CCSER1: variants seen among roughly 807,000 people sequenced by gnomAD.
CCSER1 encodes the protein serine-rich coiled-coil domain-containing protein 1.
In CCSER1, 41 loss-of-function variants were observed where a neutral mutation model predicts 82.0. The observed-to-expected ratio is 0.50, with a 90% CI of 0.39 to 0.65. The LOEUF is 0.65. CCSER1 is among the 30% of genes least tolerant of loss of function. CCSER1 has a pLI of 0.00. For missense variants in CCSER1, 1,119 were observed against 1,064.2 expected (o/e 1.05, Z -0.72); for synonymous variants, 414 against 383.9 (o/e 1.08, Z -0.92).
chr4:91,175,509 A>T (rs1378621862), intron 10 of CCSER1, among the ~76,000 whole-genome samples: 1 of 152,030 alleles, frequency 6.6e-6, no homozygotes, highest in African/African-American at 2.4e-5. Flanking sequence ...TTTAATGATC[A>T]CCATTCTAAC....
At position 91,154,160 on chromosome 4, in the gene CCSER1, A is replaced by G. The variant is rs558581178; in HGVS notation, c.2217+68166A>G. Among the ~76,000 whole-genome samples the G allele has an allele frequency of 2.0e-5, 3 of 152,100 alleles. No individual in the cohort carries two copies. The South Asian group carries it at 6.2e-4, about 32-fold the overall frequency. The stretch of plus-strand genomic sequence containing the variant: ...CCTTGAGCTGTGGTGGGCTCCACCC[A>G]GTTGAAGCTTCCCTGGCTGCTTTGT... On this transcript the variant is annotated intron_variant, in intron 10 of 10. Coordinates refer to ENST00000509176, the MANE Select transcript of CCSER1 (RefSeq NM_001145065.2).
chr4:90,764,387 G>A (rs1750886307), intron 7 of CCSER1, among the ~76,000 whole-genome samples: 1 of 152,098 alleles, frequency 6.6e-6, no homozygotes, highest in South Asian at 2.1e-4. Flanking sequence ...AAAAATCAAT[G>A]CTTGGTCTTT....
chr4:91,415,932 G>A (rs1188742559), intron 10 of CCSER1, among the ~76,000 whole-genome samples: 1 of 152,028 alleles, frequency 6.6e-6, no homozygotes, highest in Non-Finnish European at 1.5e-5. Flanking sequence ...TGCATCATCA[G>A]GAGTCCCTCA....
At chr4:90,953,220 G>A (rs1733098996) in intron 9 of CCSER1, among the ~76,000 whole-genome samples, 1 of 151,834 alleles carries the variant, frequency 6.6e-6, no homozygotes, top group Non-Finnish European at 1.5e-5. Flanking sequence ...TAGTGGCAAA[G>A]TTCTGATATA....
chr4:91,247,796 A>T (rs1739915632), intron 10 of CCSER1, among the ~76,000 whole-genome samples: 2 of 152,198 alleles, frequency 1.3e-5, no homozygotes, highest in South Asian at 4.1e-4. Flanking sequence ...CAAACCTGGC[A>T]GTTGGAGGTT....
intron 6 of CCSER1, among the ~76,000 whole-genome samples, chr4:90,645,463 T>C (rs543413698): frequency 5.1e-4 from 78 of 152,338 alleles, no homozygotes; most frequent in African/African-American, 1.7e-3. Flanking sequence ...TCTATACTTA[T>C]AGTCTTCAAG....
intron 1 of CCSER1, among the ~76,000 whole-genome samples, chr4:90,294,528 T>C (rs901350679): frequency 1.3e-5 from 2 of 152,086 alleles, no homozygotes; most frequent in African/African-American, 4.8e-5. Context: ...AAAGGCATTT[T>C]CTGATATGTC....
intron 1 of CCSER1, among the ~76,000 whole-genome samples, chr4:90,271,862 ATTTTTTTTTTT>A (rs1176154331): frequency 3.6e-3 from 78 of 21,668 alleles, no homozygotes; most frequent in East Asian, 0.035. Flanking sequence ...ATATATATAT[ATTTTTTTTTTT>A]TTTTTTTTTT....
chr4:91,057,493 T>C (rs1743558063), intron 9 of CCSER1, among the ~76,000 whole-genome samples: 1 of 152,138 alleles, frequency 6.6e-6, no homozygotes, highest in Admixed American at 6.6e-5. Flanking sequence ...GCTAACATAA[T>C]TGGACGATAA....
At chr4:91,068,329 A>T (rs1367421067) in intron 9 of CCSER1, among the ~76,000 whole-genome samples, 1 of 152,228 alleles carries the variant, frequency 6.6e-6, no homozygotes, top group Non-Finnish European at 1.5e-5. Flanking sequence ...TGAGACACTG[A>T]TCTGTCAAAA....
chr4:90,801,792 T>C (rs1013502929), intron 7 of CCSER1, among the ~76,000 whole-genome samples: 1 of 152,226 alleles, frequency 6.6e-6, no homozygotes, highest in African/African-American at 2.4e-5. Context: ...TTCATATAAA[T>C]ACCAGAGAAA....
At chr4:90,577,926 T>A (rs1272277058) in intron 5 of CCSER1, among the ~76,000 whole-genome samples, 1 of 152,134 alleles carries the variant, frequency 6.6e-6, no homozygotes, top group Non-Finnish European at 1.5e-5. Flanking sequence ...ACTAAAGATA[T>A]TAATATTTAT....
At chr4:90,796,856 TATG>T (rs1288981938) in intron 7 of CCSER1, among the ~76,000 whole-genome samples, 2 of 152,338 alleles carry the variant, frequency 1.3e-5, no homozygotes, top group East Asian at 3.9e-4. Context: ...CATTGTTTTT[TATG>T]ATTTCAGTTC....
At chr4:90,533,084 GTTTTT>G (rs59215370) in intron 5 of CCSER1, among the ~76,000 whole-genome samples, 15 of 88,994 alleles carry the variant, frequency 1.7e-4, no homozygotes, top group East Asian at 4.0e-4. Context: ...ATTTCTGTGG[GTTTTT>G]TTTTTTTTTT....
chr4:90,633,496 G>C (rs1245981461), intron 6 of CCSER1, among the ~76,000 whole-genome samples: 5 of 151,878 alleles, frequency 3.3e-5, no homozygotes, highest in Non-Finnish European at 7.4e-5. Context: ...TTCCTTAACT[G>C]TATTTTTAAA....
Position 90,628,036 on chromosome 4 carries a change from T to C in CCSER1, c.1736T>C (p.Leu579Pro), listed in dbSNP as rs545663449. Residue 579 changes from leucine to proline, a missense_variant, in exon 6 of 11, where the codon CTG becomes CCG. Transcript: ENST00000509176. ...FPEPSKQNLS[L>P]KLTKDVDQEA... The stretch of plus-strand genomic sequence containing the variant: ...TTTTTTCTTGTTAGGAATCTTTCCC[T>C]GAAATTAACAAAGGACGTTGATCAA... 6.8e-6 allele frequency: 11 copies of C among 1,613,268 alleles called. No homozygotes were observed. In the East Asian group the frequency reaches 2.5e-4, roughly 36 times the overall value.
rs562722293 is a variant in CCSER1, at chr4:91,377,442, C to T, written c.2218-221130C>T. 3.5e-4 allele frequency among the ~76,000 whole-genome samples: 54 copies of T among 152,300 alleles called. No homozygotes were observed. In the South Asian group the frequency reaches 5.8e-3, roughly 16 times the overall value. On this transcript the variant is annotated intron_variant, in intron 10 of 10. Coordinates refer to ENST00000509176, the MANE Select transcript of CCSER1 (RefSeq NM_001145065.2). ...TCCTGACTTTTTAATGATCACCATT[C>T]TAACTGGTGTGAGATGGTATCTCAT... is the stretch of plus-strand genomic sequence containing the variant.
intron 10 of CCSER1, among the ~76,000 whole-genome samples, chr4:91,162,973 G>A (rs573538676): frequency 5.4e-4 from 82 of 152,014 alleles, no homozygotes; most frequent in African/African-American, 1.9e-3. Context: ...CCTTCTGCTC[G>A]CTTTTGAATG....
intron 5 of CCSER1, among the ~76,000 whole-genome samples, chr4:90,494,597 A>T (rs933122093): frequency 6.6e-6 from 1 of 152,158 alleles, no homozygotes; most frequent in South Asian, 2.1e-4. Context: ...ATTTCTTTGA[A>T]TCTCAGGGAT....
Sources: gnomAD v4.1 joint callset for allele counts (sites outside exome capture counted in the v4.1 genomes callset) on GRCh38, gnomAD v4.1.1 for gene constraint, MANE v1.5 for transcripts, NCBI Gene and HGNC (gene_info 2026-07-23, HGNC 2026-07-21) for gene names.